The following BSDC1 variants were observed in gnomAD, a reference collection of about 807,000 sequenced individuals.
The protein encoded by BSDC1 is BSD domain-containing protein 1.
Under a neutral mutation model 56.0 loss-of-function variants are expected in BSDC1, and 29 were observed. That is an observed-to-expected ratio of 0.52 (90% CI 0.39 to 0.71). The LOEUF is 0.71. Among genes scored for constraint, BSDC1 ranks in the 30% least tolerant of loss-of-function variants. BSDC1 has a pLI of 0.00. For missense variants in BSDC1, 477 were observed against 548.5 expected, an observed-to-expected ratio of 0.87 and a Z score of 1.30; for synonymous variants, 210 against 215.3, an observed-to-expected ratio of 0.98 and a Z score of 0.21.
intron 4 of BSDC1, among the ~76,000 whole-genome samples, chr1:32,381,680 C>A (rs1050437197): frequency 2.6e-5 from 4 of 152,166 alleles, no homozygotes; most frequent in Non-Finnish European, 5.9e-5. Context: ...AATTGTATAG[C>A]CAGTCTCTAC....
chr1:32,376,741 TC>T lies in BSDC1; in HGVS notation c.677-1del. The stretch of plus-strand genomic sequence containing the variant: ...TATGGGTGAAATGCCCATGAGCTCC[TC>T]TGTAGAGAGAGAAAGGGAGGGGCAA... On this transcript the variant is annotated splice_acceptor_variant, in intron 8 of 10. Transcript: ENST00000455895. LOFTEE classifies it high-confidence loss of function. 1 of 1,372,518 alleles carries T rather than the reference TC, an allele frequency of 7.3e-7. No homozygotes were observed. Among genetic ancestry groups the T allele is most frequent in the Non-Finnish European group, 9.5e-7 (1 of 1,052,154 alleles). 85.0% of individuals were successfully genotyped at this position (1,372,518 alleles called of 1,614,324 possible). A position where few individuals can be genotyped will look rare whatever the true frequency, so the allele number is the denominator to read the frequency against.
intron 2 of BSDC1, among the ~76,000 whole-genome samples, chr1:32,388,748 TCA>T (rs1642756941): frequency 6.6e-6 from 1 of 152,170 alleles, no homozygotes; most frequent in Non-Finnish European, 1.5e-5. Flanking sequence ...CTGTCCTGCC[TCA>T]GAGTATCTGA....
intron 10 of BSDC1, chr1:32,367,469 T>G: frequency 5.1e-6 from 5 of 985,420 alleles, no homozygotes; most frequent in Non-Finnish European, 6.0e-6. Context: ...TTTCCCATCA[T>G]GAAAAAGGAG....
chr1:32,376,842 A>C, intron 8 of BSDC1, 101 bp from the exon 9 acceptor site: 3 of 1,252,682 alleles, frequency 2.4e-6, no homozygotes, highest in Non-Finnish European at 3.0e-6. Context: ...ACTCTGATCA[A>C]GACTCAAGCC....
At position 32,377,618 on chromosome 1, in the gene BSDC1, G is replaced by A. The variant is rs111855308; in HGVS notation, c.676+352C>T. On this transcript the variant is annotated intron_variant, in intron 8 of 10. Transcript: ENST00000455895. The stretch of plus-strand genomic sequence containing the variant: ...CCAGCCTGGGCATTAATATTACCAG[G>A]GAACTTGTTTAAAATACATGTCTGG... 2.7e-3 allele frequency among the ~76,000 whole-genome samples: 407 copies of A among 152,240 alleles called. 5 individuals are homozygous for A. Among genetic ancestry groups the A allele is most frequent in the African/African-American group, 9.3e-3 (388 of 41,540 alleles).
chr1:32,391,774 A>C (rs907687720), intron 2 of BSDC1, among the ~76,000 whole-genome samples: 1 of 152,224 alleles, frequency 6.6e-6, no homozygotes, highest in African/African-American at 2.4e-5. Flanking sequence ...ATGGAGCCAG[A>C]ATGGGACATA....
rs143317728 is a variant in BSDC1, at chr1:32,394,131, C to T, written c.21G>A (p.Val7=). MAEGED[V]GWWRSWLQQS... Reference sequence around the variant, plus strand: ...GCTGCAGCCAGCTCCGCCACCATCCCACGTCCTCCCTGTGGAAGACAGACA... The same window carrying T: ...GCTGCAGCCAGCTCCGCCACCATCCTACGTCCTCCCTGTGGAAGACAGACA... Residue 7 remains valine (V), a synonymous_variant, in exon 2 of 11, where the codon GTG becomes GTA. Transcript: ENST00000455895. 166 of 1,609,372 alleles carry T rather than the reference C, an allele frequency of 1.0e-4. 1 individual carries two copies. The highest frequency in any genetic ancestry group is 7.1e-4 in the South Asian group (64 of 90,280).
At chr1:32,385,594 G>A (rs1357233872) in intron 3 of BSDC1, among the ~76,000 whole-genome samples, 1 of 152,086 alleles carries the variant, frequency 6.6e-6, no homozygotes, top group Non-Finnish European at 1.5e-5. Flanking sequence ...GGGTGTGGTG[G>A]CATGCACCTG....
chr1:32,376,515 T>C lies in BSDC1; in HGVS notation c.903A>G (p.Leu301=). 1 of 1,595,290 alleles carries C rather than the reference T, an allele frequency of 6.3e-7. No homozygotes were observed. Residue 301 remains leucine, a synonymous_variant, in exon 9 of 11, where the codon CTA becomes CTG. Coordinates refer to ENST00000455895, the MANE Select transcript of BSDC1 (RefSeq NM_018045.8). ...GCAGCTTTTGGGACAGGTCCTTGGGTAGCACTCGTGCCTCAGGTGCAGTGG... is the reference window on the plus strand; with the variant it reads ...GCAGCTTTTGGGACAGGTCCTTGGGCAGCACTCGTGCCTCAGGTGCAGTGG... ...NPATAPEARV[L]PKDLSQKLLE...
intron 2 of BSDC1, among the ~76,000 whole-genome samples, chr1:32,391,586 C>T (rs568901723): frequency 2.0e-5 from 3 of 152,272 alleles, no homozygotes; most frequent in East Asian, 3.9e-4. Context: ...AATGATATGC[C>T]TTTCTCTATC....
At chr1:32,381,996 G>C (rs1251171290) in intron 4 of BSDC1, among the ~76,000 whole-genome samples, 1 of 152,184 alleles carries the variant, frequency 6.6e-6, no homozygotes, top group Admixed American at 6.5e-5. Flanking sequence ...GGAGGCCAAG[G>C]TAGGTGGATC....
At chr1:32,375,108 C>T (rs1458595440) in intron 9 of BSDC1, among the ~76,000 whole-genome samples, 2 of 151,818 alleles carry the variant, frequency 1.3e-5, no homozygotes. Flanking sequence ...GCCGAGATCG[C>T]GCCACTGCAC....
chr1:32,388,708 C>T (rs1331696925), intron 2 of BSDC1, among the ~76,000 whole-genome samples: 2 of 152,218 alleles, frequency 1.3e-5, no homozygotes, highest in Non-Finnish European at 2.9e-5. Context: ...TCCAGCTGGC[C>T]TTCCTCAAGT....
chr1:32,386,139 G>GA (rs757157914), intron 3 of BSDC1, among the ~76,000 whole-genome samples: 4 of 151,964 alleles, frequency 2.6e-5, no homozygotes, highest in Non-Finnish European at 5.9e-5. Flanking sequence ...CTAACACGGT[G>GA]CACCCCGTCT....
At chr1:32,368,902 GT>G (rs1297117783) in intron 9 of BSDC1, among the ~76,000 whole-genome samples, 1 of 152,068 alleles carries the variant, frequency 6.6e-6, no homozygotes, top group Non-Finnish European at 1.5e-5. Context: ...GTTTCACCAT[GT>G]TGGCCAGGCT....
In BSDC1 at chr1:32,376,734, G is replaced by A. The variant is rs748765313; in HGVS notation, c.684C>T (p.Leu228=). 12 of 1,415,630 alleles carry A rather than the reference G, an allele frequency of 8.5e-6. No homozygotes were observed. In the East Asian group the frequency reaches 2.8e-4, roughly 34 times the overall value. 87.7% of individuals were successfully genotyped at this position (1,415,630 alleles called of 1,614,324 possible). ...EPGWEEEEEE[L]MGISPISPKE... ...TTGGAGATATGGGTGAAATGCCCATGAGCTCCTCTGTAGAGAGAGAAAGGG... is the reference window on the plus strand; with the variant it reads ...TTGGAGATATGGGTGAAATGCCCATAAGCTCCTCTGTAGAGAGAGAAAGGG... The change falls in exon 9 of 11, where the codon CTC becomes CTT. Residue 228 remains leucine, a synonymous_variant. Transcript: ENST00000455895.
chr1:32,388,967 T>C (rs1306340543), intron 2 of BSDC1, among the ~76,000 whole-genome samples: 5 of 151,332 alleles, frequency 3.3e-5, no homozygotes, highest in Admixed American at 1.3e-4. Context: ...CTTTTTTTTT[T>C]TTTTTGAGAT....
At chr1:32,382,407 T>C (rs1016804118) in intron 4 of BSDC1, among the ~76,000 whole-genome samples, 3 of 150,960 alleles carry the variant, frequency 2.0e-5, no homozygotes, top group African/African-American at 7.3e-5. Context: ...GAGGCTGCCA[T>C]GAGCTGTGAT....
chr1:32,371,388 G>GC, intron 9 of BSDC1, among the ~76,000 whole-genome samples: 1 of 145,788 alleles, frequency 6.9e-6, no homozygotes, highest in Non-Finnish European at 1.5e-5. Context: ...TCGGCTCACT[G>GC]CAAGCTCTGC....
Sources: gnomAD v4.1 joint callset for allele counts (sites outside exome capture counted in the v4.1 genomes callset) on GRCh38, gnomAD v4.1.1 for gene constraint, MANE v1.5 for transcripts, NCBI Gene and HGNC (gene_info 2026-07-23, HGNC 2026-07-21) for gene names.